Variants in FOXN3 observed in about 807,000 individuals in gnomAD.
FOXN3 encodes forkhead box N3.
FOXN3 carries 7 observed loss-of-function variants against 38.4 expected under a neutral mutation model. That is an observed-to-expected ratio of 0.18 (90% confidence interval 0.10 to 0.34). FOXN3 has a LOEUF of 0.34. FOXN3 is among the 10% of genes least tolerant of loss of function. FOXN3 has a pLI of 1.00. For missense variants in FOXN3, 456 were observed against 613.4 expected, an observed-to-expected ratio of 0.74 and a Z score of 2.71; for synonymous variants, 230 against 242.2, an observed-to-expected ratio of 0.95 and a Z score of 0.47.
At chr14:89,278,150 C>G (rs1370450558) in intron 4 of FOXN3, among the ~76,000 whole-genome samples, 2 of 152,130 alleles carry the variant, frequency 1.3e-5, no homozygotes, top group African/African-American at 4.8e-5. Context: ...GTTTAATGGA[C>G]TCACAGTTCC....
intron 2 of FOXN3, among the ~76,000 whole-genome samples, chr14:89,382,644 T>C (rs906025114): frequency 1.3e-5 from 2 of 152,212 alleles, no homozygotes; most frequent in Non-Finnish European, 1.5e-5. Flanking sequence ...TCTGTTCTGC[T>C]CCTTCCTAGC....
chr14:89,392,637 CTTT>C lies in FOXN3; in HGVS notation c.543+19294_543+19296del, dbSNP rs71130072. Among the ~76,000 whole-genome samples, 555 of 119,288 alleles carry C rather than the reference CTTT, an allele frequency of 4.7e-3. 7 individuals carry two copies. The highest frequency in any genetic ancestry group is 0.02 in the African/African-American group (521 of 26,072). 78.3% of individuals were successfully genotyped at this position (119,288 alleles called of 152,430 possible). A position where few individuals can be genotyped will look rare whatever the true frequency, so the allele number is the denominator to read the frequency against. The stretch of plus-strand genomic sequence containing the variant: ...CCCTGCACATGTGTCTGTGTCTCGT[CTTT>C]TTTTTTTTTTTTTTTTTTGAGATGG... On this transcript the variant is annotated intron_variant, in intron 2 of 5. Coordinates refer to ENST00000557258, the MANE Select transcript of FOXN3 (RefSeq NM_005197.4).
chr14:89,381,956 T>A (rs1264341600), intron 2 of FOXN3, among the ~76,000 whole-genome samples: 2 of 152,080 alleles, frequency 1.3e-5, no homozygotes, highest in Non-Finnish European at 2.9e-5. Flanking sequence ...CTTGACCTGG[T>A]GTGTCTGCAG....
At chr14:89,462,819 G>C (rs1220761596) in intron 1 of FOXN3, among the ~76,000 whole-genome samples, 1 of 151,624 alleles carries the variant, frequency 6.6e-6, no homozygotes, top group Non-Finnish European at 1.5e-5. Context: ...TGAGTAGCTG[G>C]GACTACAGGC....
At chr14:89,289,953 CT>C (rs1008138645) in intron 3 of FOXN3, among the ~76,000 whole-genome samples, 6 of 152,032 alleles carry the variant, frequency 3.9e-5, no homozygotes, top group Non-Finnish European at 2.9e-5. Flanking sequence ...GAACAGACTT[CT>C]TTTTTTTCCC....
chr14:89,459,246 G>A (rs1350784527), intron 1 of FOXN3, among the ~76,000 whole-genome samples: 2 of 152,188 alleles, frequency 1.3e-5, no homozygotes, highest in East Asian at 3.8e-4. Context: ...TTATGACACT[G>A]ATGCAACTTC....
At chr14:89,323,980 T>C (rs955342658) in intron 3 of FOXN3, among the ~76,000 whole-genome samples, 20 of 152,290 alleles carry the variant, frequency 1.3e-4, no homozygotes, top group African/African-American at 4.6e-4. Context: ...GCCTTTGTGC[T>C]TCAGTTTCCT....
At chr14:89,291,389 C>T in intron 3 of FOXN3, 1 of 601,552 alleles carries the variant, frequency 1.7e-6, no homozygotes, top group South Asian at 1.4e-5. Flanking sequence ...CTCCATGTCA[C>T]CAGCAAGGAT....
At position 89,414,288 on chromosome 14, in the gene FOXN3, C is replaced by A. The variant is rs921475910; in HGVS notation, c.-14-1798G>T. Among the ~76,000 whole-genome samples, 3 of 149,412 alleles carry A rather than the reference C, an allele frequency of 2.0e-5. No individual in the cohort carries two copies. The Admixed American group carries it at 2.0e-4, about 10-fold the overall frequency. On this transcript the variant is annotated intron_variant, in intron 1 of 5. Coordinates refer to ENST00000557258, the MANE Select transcript of FOXN3 (RefSeq NM_005197.4). ...CTCCAGCCTGGGCAACAGAGGGAGA[C>A]CCTGTCTCAAAAAAATAAATAAATA...
intron 2 of FOXN3, among the ~76,000 whole-genome samples, chr14:89,384,986 C>G (rs1474763220): frequency 6.6e-6 from 1 of 152,162 alleles, no homozygotes; most frequent in Non-Finnish European, 1.5e-5. Flanking sequence ...GAGATTATGT[C>G]TCTCCCCTAA....
At chr14:89,474,061 C>T (rs181454130) in intron 1 of FOXN3, among the ~76,000 whole-genome samples, 3 of 152,328 alleles carry the variant, frequency 2.0e-5, no homozygotes, top group African/African-American at 4.8e-5. Flanking sequence ...ATCATTGCTA[C>T]GTAACAGACC....
intron 4 of FOXN3, among the ~76,000 whole-genome samples, chr14:89,212,003 A>C (rs1406282752): frequency 6.6e-6 from 1 of 152,048 alleles, no homozygotes; most frequent in Non-Finnish European, 1.5e-5. Flanking sequence ...ATAAGTAGTG[A>C]CCACATAAGA....
intron 2 of FOXN3, among the ~76,000 whole-genome samples, chr14:89,380,003 C>A (rs748316972): frequency 6.6e-6 from 1 of 152,152 alleles, no homozygotes; most frequent in Non-Finnish European, 1.5e-5. Flanking sequence ...TTTCCCATAC[C>A]ACTGACTTCA....
rs375047099 is a variant in FOXN3 at position 89,438,818 on chromosome 14, C to G, written c.-14-26328G>C. ...CACTCTTGTTGCCCAGGCTAGAGTG[C>G]AATGGCGCAATCTCGGCCCACTGCA... On this transcript the variant is annotated intron_variant, in intron 1 of 6. Coordinates refer to the FOXN3 transcript ENST00000345097. Among the ~76,000 whole-genome samples, 37 of 151,822 alleles carry G rather than the reference C, an allele frequency of 2.4e-4. No homozygotes were observed. The East Asian group carries it at 7.2e-3, about 29-fold the overall frequency.
chr14:89,160,840 A>T lies in FOXN3; in HGVS notation c.*1574T>A, dbSNP rs1249811724. 4 of 152,564 alleles carry T rather than the reference A, an allele frequency of 2.6e-5. No homozygotes were observed. Among genetic ancestry groups the T allele is most frequent in the African/African-American group, 9.7e-5 (4 of 41,406 alleles). 9.5% of individuals were successfully genotyped at this position (152,564 alleles called of 1,614,324 possible). On this transcript the variant is annotated 3_prime_UTR_variant, in exon 6 of 6. Coordinates refer to ENST00000557258, the MANE Select transcript of FOXN3 (RefSeq NM_005197.4). ...CAGAATTTGTCCCTGAAGAAGGTTA[A>T]ACCTTAAACACCTGCTTCAAAAAAC...
At chr14:89,341,951 C>G (rs1888629411) in intron 3 of FOXN3, among the ~76,000 whole-genome samples, 1 of 152,180 alleles carries the variant, frequency 6.6e-6, no homozygotes, top group Non-Finnish European at 1.5e-5. Context: ...CCAAGCAAAT[C>G]TGCAAAGACT....
At position 89,161,382 on chromosome 14, in the gene FOXN3, T is replaced by C. The variant is rs1297018567; in HGVS notation, c.*1032A>G. Reference sequence around the variant, plus strand: ...ACTAATGGCAGGTTCCGTAGCTTTCTAGTTTTTTTTTTTTTTTCACTTGGA... The same window carrying C: ...ACTAATGGCAGGTTCCGTAGCTTTCCAGTTTTTTTTTTTTTTTCACTTGGA... On this transcript the variant is annotated 3_prime_UTR_variant, in exon 6 of 6. Coordinates refer to ENST00000557258, the MANE Select transcript of FOXN3 (RefSeq NM_005197.4). 1 of 151,330 alleles carries C rather than the reference T, an allele frequency of 6.6e-6. No individual in the cohort carries two copies. The highest frequency in any genetic ancestry group is 1.5e-5 in the Non-Finnish European group (1 of 67,824). 9.4% of individuals were successfully genotyped at this position (151,330 alleles called of 1,614,324 possible).
chr14:89,381,838 C>A (rs1179677197), intron 2 of FOXN3, among the ~76,000 whole-genome samples: 1 of 131,760 alleles, frequency 7.6e-6, no homozygotes, highest in East Asian at 2.4e-4. Context: ...CCAGCCTGGG[C>A]AACAGAGAAG....
At chr14:89,261,596 C>T (rs1885803218) in intron 4 of FOXN3, among the ~76,000 whole-genome samples, 1 of 151,986 alleles carries the variant, frequency 6.6e-6, no homozygotes, top group South Asian at 2.1e-4. Flanking sequence ...GAGTTCGAGA[C>T]CAGCCCAGCC....
Sources: gnomAD v4.1 joint callset for allele counts (sites outside exome capture counted in the v4.1 genomes callset) on GRCh38, gnomAD v4.1.1 for gene constraint, MANE v1.5 for transcripts, NCBI Gene and HGNC (gene_info 2026-07-23, HGNC 2026-07-21) for gene names.